The following SLIT3 variants were observed in gnomAD, a reference collection of about 807,000 sequenced individuals.
SLIT3 encodes slit homolog 3 protein.
Under a neutral mutation model 184.0 loss-of-function variants are expected in SLIT3, and 68 were observed. The observed-to-expected ratio is 0.37, with a 90% CI of 0.30 to 0.45. The LOEUF (loss-of-function observed/expected upper bound fraction) is 0.45. SLIT3 is among the 20% of genes least tolerant of loss of function. The pLI, the probability that SLIT3 is intolerant of heterozygous loss-of-function variation, is 1.00. For missense variants in SLIT3, 1,707 were observed against 2,026.0 expected, an observed-to-expected ratio of 0.84 and a Z score of 3.02; for synonymous variants, 831 against 828.6, an observed-to-expected ratio of 1.00 and a Z score of -0.05.
At chr5:168,734,654 T>C (rs1763379208) in intron 20 of SLIT3, among the ~76,000 whole-genome samples, 1 of 152,194 alleles carries the variant, frequency 6.6e-6, no homozygotes, top group East Asian at 1.9e-4. Flanking sequence ...TTAAGTGCTT[T>C]TGGCCTAAAG....
chr5:168,894,263 T>C (rs1390287964), intron 4 of SLIT3, among the ~76,000 whole-genome samples: 1 of 152,206 alleles, frequency 6.6e-6, no homozygotes, highest in Non-Finnish European at 1.5e-5. Flanking sequence ...GTTGGCAATG[T>C]AGTGTTTTAT....
chr5:168,847,918 A>G (rs1339167165), intron 5 of SLIT3, among the ~76,000 whole-genome samples: 1 of 152,086 alleles, frequency 6.6e-6, no homozygotes, highest in Non-Finnish European at 1.5e-5. Context: ...AAACAAATCA[A>G]CAAAGCCCAT....
At chr5:169,257,513 A>C (rs1766005360) in intron 1 of SLIT3, among the ~76,000 whole-genome samples, 1 of 146,600 alleles carries the variant, frequency 6.8e-6, no homozygotes, top group African/African-American at 2.5e-5. Flanking sequence ...TATCTTTGAT[A>C]CAATAGCTTT....
chr5:169,038,710 G>A (rs914198915), intron 4 of SLIT3, among the ~76,000 whole-genome samples: 1 of 152,202 alleles, frequency 6.6e-6, no homozygotes, highest in Non-Finnish European at 1.5e-5. Flanking sequence ...CTGCTATTTA[G>A]TGATGGAGAT....
intron 23 of SLIT3, 74 bp from the exon 24 acceptor site, chr5:168,712,428 G>A (rs1274139629): frequency 2.1e-5 from 27 of 1,265,434 alleles, no homozygotes; most frequent in Middle Eastern, 1.9e-4. Context: ...GGCCTCCAGT[G>A]CCTGGCCCTG....
chr5:169,217,140 A>AC (rs1581065834), intron 3 of SLIT3, among the ~76,000 whole-genome samples: 1 of 147,904 alleles, frequency 6.8e-6, no homozygotes, highest in East Asian at 2.3e-4. Flanking sequence ...TAAAAAAAAA[A>AC]AAAAAAAAAA....
intron 4 of SLIT3, among the ~76,000 whole-genome samples, chr5:169,008,814 C>T (rs10045515): frequency 0.23 from 34,552 of 152,108 alleles, 4,183 homozygotes; most frequent in East Asian, 0.51. Flanking sequence ...ATAAACTATT[C>T]TGAAAGCAAT....
intron 4 of SLIT3, among the ~76,000 whole-genome samples, chr5:169,122,466 C>G: frequency 6.6e-6 from 1 of 152,176 alleles, no homozygotes. Flanking sequence ...TTTTCTCTGA[C>G]TTGAGGCAAG....
chr5:168,867,132 G>A lies in SLIT3; in HGVS notation c.485+16133C>T, dbSNP rs190264934. ...AGTTGCTAACAGGGCTCAGGAACCTGCATTCTAAATAAGGTCTGGGAGATT... is the reference window on the plus strand; with the variant it reads ...AGTTGCTAACAGGGCTCAGGAACCTACATTCTAAATAAGGTCTGGGAGATT... On this transcript the variant is annotated intron_variant, in intron 5 of 35. Coordinates refer to ENST00000519560, the MANE Select transcript of SLIT3 (RefSeq NM_003062.4). Among the ~76,000 whole-genome samples, 5 of 152,330 alleles carry A rather than the reference G, an allele frequency of 3.3e-5. No homozygotes were observed. In the East Asian group the frequency reaches 7.7e-4, roughly 24 times the overall value.
chr5:168,882,794 A>G lies in SLIT3; in HGVS notation c.485+471T>C, dbSNP rs79120492. 7.4e-3 allele frequency among the ~76,000 whole-genome samples: 1,125 copies of G among 152,300 alleles called. 14 individuals carry two copies. Among genetic ancestry groups the G allele is most frequent in the African/African-American group, 0.025 (1,039 of 41,566 alleles). On this transcript the variant is annotated intron_variant, in intron 5 of 35. Coordinates refer to ENST00000519560, the MANE Select transcript of SLIT3 (RefSeq NM_003062.4). ...GGGATGTAAGTCCCCATGCTCTCTC[A>G]GGAGCCGATGATGAGCCTATTAATA...
At chr5:168,789,658 G>T in intron 10 of SLIT3, 27 bp from the exon 11 acceptor site, 1 of 1,589,040 alleles carries the variant, frequency 6.3e-7, no homozygotes, top group Non-Finnish European at 8.6e-7. Context: ...TAAAGTCTGA[G>T]AACATGGCTC....
At chr5:169,216,657 T>C (rs2113523009) in intron 3 of SLIT3, among the ~76,000 whole-genome samples, 1 of 152,272 alleles carries the variant, frequency 6.6e-6, no homozygotes, top group South Asian at 2.1e-4. Flanking sequence ...AGCCCTGATT[T>C]CATCTGTAAT....
chr5:169,265,034 G>T (rs543999156), intron 1 of SLIT3, among the ~76,000 whole-genome samples: 1 of 152,200 alleles, frequency 6.6e-6, no homozygotes, highest in Non-Finnish European at 1.5e-5. Context: ...AACCCGGGTG[G>T]TTGGATGTGG....
intron 6 of SLIT3, among the ~76,000 whole-genome samples, chr5:168,826,862 A>C (rs1327003840): frequency 1.3e-5 from 2 of 152,052 alleles, no homozygotes; most frequent in South Asian, 4.2e-4. Flanking sequence ...CCTGGGTTCC[A>C]GCAATTCTCC....
chr5:168,841,450 T>C (rs1481813898), intron 6 of SLIT3, among the ~76,000 whole-genome samples: 1 of 152,194 alleles, frequency 6.6e-6, no homozygotes, highest in Non-Finnish European at 1.5e-5. Context: ...ACTATGCTTT[T>C]CTTCTTACTT....
intron 4 of SLIT3, among the ~76,000 whole-genome samples, chr5:169,009,538 C>T (rs919770984): frequency 3.3e-5 from 5 of 152,214 alleles, no homozygotes; most frequent in African/African-American, 1.2e-4. Context: ...TGTAGTAAAC[C>T]AGGGTTGTCA....
chr5:168,762,408 G>A (rs556001618), intron 15 of SLIT3, 131 bp downstream of exon 15: 129 of 913,110 alleles, frequency 1.4e-4, no homozygotes, highest in Non-Finnish European at 2.1e-4. Context: ...AGACCAGTAT[G>A]TGAAAGACAG....
intron 32 of SLIT3, among the ~76,000 whole-genome samples, chr5:168,677,838 T>C (rs943775291): frequency 2.0e-5 from 3 of 152,192 alleles, no homozygotes; most frequent in Non-Finnish European, 4.4e-5. Context: ...GACCTTACTC[T>C]GGGCTTGCTG....
chr5:169,218,140 C>A (rs942759747), intron 3 of SLIT3, among the ~76,000 whole-genome samples: 9 of 152,186 alleles, frequency 5.9e-5, no homozygotes, highest in Admixed American at 3.3e-4. Context: ...TCCTTTCTAC[C>A]AAGGACTGTT....
Sources: allele counts gnomAD v4.1 joint callset (sites outside exome capture counted in the v4.1 genomes callset), GRCh38; gene constraint gnomAD v4.1.1; transcripts MANE v1.5; gene names NCBI Gene and HGNC (gene_info 2026-07-23, HGNC 2026-07-21).